The following BLOC1S6 variants were observed in gnomAD, a reference collection of about 807,000 sequenced individuals.
The protein encoded by BLOC1S6 is biogenesis of lysosomal organelles complex 1 subunit 6.
BLOC1S6 carries 24 observed loss-of-function variants against 24.7 expected under a neutral mutation model. The observed-to-expected ratio is 0.97, with a 90% CI of 0.70 to 1.37. The LOEUF (loss-of-function observed/expected upper bound fraction) is 1.37. Ranked by LOEUF, BLOC1S6 falls within the 40% of genes most tolerant of loss-of-function variation. The pLI is 0.00. For missense variants in BLOC1S6, 175 were observed against 196.2 expected (o/e 0.89, Z 0.64); for synonymous variants, 76 against 72.6 (o/e 1.05, Z -0.23).
intron 2 of BLOC1S6, among the ~76,000 whole-genome samples, chr15:45,602,074 T>C (rs1894290780): frequency 6.6e-6 from 1 of 152,006 alleles, no homozygotes; most frequent in African/African-American, 2.4e-5. Flanking sequence ...GTGTTTTTTT[T>C]GTTTTTGTAG....
intron 1 of BLOC1S6, among the ~76,000 whole-genome samples, chr15:45,590,842 T>C (rs1052107345): frequency 6.6e-6 from 1 of 152,240 alleles, no homozygotes; most frequent in African/African-American, 2.4e-5. Context: ...CAGACTATAA[T>C]TGAAGAGAGA....
chr15:45,593,310 CAGG>C (rs1350748517), intron 2 of BLOC1S6, among the ~76,000 whole-genome samples: 1 of 146,906 alleles, frequency 6.8e-6, no homozygotes, highest in Non-Finnish European at 1.5e-5. Flanking sequence ...CGCTCGAACT[CAGG>C]GGGCTGTTTG....
intron 1 of BLOC1S6, among the ~76,000 whole-genome samples, chr15:45,590,416 T>G (rs1396725881): frequency 6.6e-6 from 1 of 151,202 alleles, no homozygotes; most frequent in African/African-American, 2.4e-5. Context: ...ATCTTTTTTT[T>G]TTTTTTTTTG....
In BLOC1S6 at chr15:45,590,408, C is replaced by CTT. The variant is rs34886686; in HGVS notation, c.83-1711_83-1710dup. Among the ~76,000 whole-genome samples, 65 of 136,146 alleles carry CTT rather than the reference C, an allele frequency of 4.8e-4. 1 individual carries two copies. The highest frequency in any genetic ancestry group is 7.0e-4 in the South Asian group (3 of 4,286). 89.3% of individuals were successfully genotyped at this position (136,146 alleles called of 152,430 possible). A position where few individuals can be genotyped will look rare whatever the true frequency, so the allele number is the denominator to read the frequency against. On this transcript the variant is annotated intron_variant, in intron 1 of 4. Coordinates refer to ENST00000220531, the MANE Select transcript of BLOC1S6 (RefSeq NM_012388.4). Reference sequence around the variant, plus strand: ...ATGATAGCATGTTGTTTTCCTCAATCTTTTTTTTTTTTTTTTTGAGGCAGA... The same window carrying CTT: ...ATGATAGCATGTTGTTTTCCTCAATCTTTTTTTTTTTTTTTTTTTGAGGCAGA...
intron 1 of BLOC1S6, among the ~76,000 whole-genome samples, chr15:45,589,374 T>A (rs1893801871): frequency 6.6e-6 from 1 of 152,260 alleles, no homozygotes; most frequent in Non-Finnish European, 1.5e-5. Context: ...GAAGTATTTT[T>A]ACTTTTCAGT....
rs1054518243 is a variant in BLOC1S6 at position 45,605,771 on chromosome 15, G to T, written c.399+257G>T. On this transcript the variant is annotated intron_variant, in intron 4 of 4. Coordinates refer to ENST00000220531, the MANE Select transcript of BLOC1S6 (RefSeq NM_012388.4). ...CACCCACCTAATTTTTGTATTTTTA[G>T]TAGAGACAGCGTTCTACCATGTTGG... The T allele has an allele frequency of 1.3e-5, 5 of 391,246 alleles. No homozygotes were observed. The Admixed American group carries it at 2.0e-4, about 15-fold the overall frequency. The allele number at this position is 391,246 out of a possible 1,614,324, so 24.2% of individuals were successfully genotyped here. A position where few individuals can be genotyped will look rare whatever the true frequency, so the allele number is the denominator to read the frequency against.
chr15:45,591,706 A>AT (rs1248418751), intron 1 of BLOC1S6, among the ~76,000 whole-genome samples: 1 of 152,254 alleles, frequency 6.6e-6, no homozygotes, highest in Non-Finnish European at 1.5e-5. Flanking sequence ...AGTGAAAACT[A>AT]TAAGTCCTCT....
At chr15:45,593,300 C>A (rs549960253) in intron 2 of BLOC1S6, among the ~76,000 whole-genome samples, 1 of 149,734 alleles carries the variant, frequency 6.7e-6, no homozygotes, top group South Asian at 2.1e-4. Flanking sequence ...GCAGGAGAAT[C>A]GCTCGAACTC....
At chr15:45,587,997 G>T in intron 1 of BLOC1S6, 1 of 550,774 alleles carries the variant, frequency 1.8e-6, no homozygotes, top group Non-Finnish European at 3.2e-6. Context: ...AAGCTCTAAT[G>T]CCCTAAGGCA....
At chr15:45,604,626 C>T (rs1420133815) in intron 3 of BLOC1S6, among the ~76,000 whole-genome samples, 2 of 152,012 alleles carry the variant, frequency 1.3e-5, no homozygotes, top group African/African-American at 4.8e-5. Flanking sequence ...ACTGGAAGGC[C>T]CAGGATATGT....
At chr15:45,606,362 T>C (rs1894459528) in intron 4 of BLOC1S6, 33 bp from the exon 5 acceptor site, 2 of 1,611,658 alleles carry the variant, frequency 1.2e-6, no homozygotes, top group East Asian at 2.2e-5. Context: ...CCCTGATTGC[T>C]CTCTTGGTTT....
intron 1 of BLOC1S6, chr15:45,587,887 C>T (rs953613323): frequency 1.1e-5 from 7 of 637,600 alleles, no homozygotes; most frequent in African/African-American, 1.8e-5. Flanking sequence ...GTGACGTATC[C>T]TATAATATTG....
At chr15:45,592,814 CAT>C (rs1893933299) in intron 2 of BLOC1S6, among the ~76,000 whole-genome samples, 1 of 152,152 alleles carries the variant, frequency 6.6e-6, no homozygotes, top group Admixed American at 6.5e-5. Context: ...TATACAAAAA[CAT>C]ATACTCTGGC....
chr15:45,601,867 GTTAT>G (rs138580678), intron 2 of BLOC1S6, among the ~76,000 whole-genome samples: 9 of 151,452 alleles, frequency 5.9e-5, no homozygotes, highest in Non-Finnish European at 1.2e-4. Flanking sequence ...GAGGGACAAA[GTTAT>G]TTATTTATTT....
At chr15:45,595,644 A>G (rs1048643040) in intron 2 of BLOC1S6, among the ~76,000 whole-genome samples, 10 of 152,072 alleles carry the variant, frequency 6.6e-5, no homozygotes, top group Non-Finnish European at 1.2e-4. Context: ...TATTTAATAA[A>G]TAAGAAAAAA....
At chr15:45,589,223 T>C (rs1893796227) in intron 1 of BLOC1S6, among the ~76,000 whole-genome samples, 1 of 152,242 alleles carries the variant, frequency 6.6e-6, no homozygotes, top group African/African-American at 2.4e-5. Context: ...ACCTAAGATA[T>C]ATGTTTTAAA....
rs898659382 is a variant in BLOC1S6, at chr15:45,587,710, C to G, written c.82+185C>G. The G allele has an allele frequency of 1.4e-5, 10 of 718,836 alleles. No individual in the cohort carries two copies. The Admixed American group carries it at 1.4e-4, about 10-fold the overall frequency. 44.5% of individuals were successfully genotyped at this position (718,836 alleles called of 1,614,324 possible). A position where few individuals can be genotyped will look rare whatever the true frequency, so the allele number is the denominator to read the frequency against. ...CCTCTGCCCAGCGCAATGGGCGGAACTGAAGTCCCGAGGGGAAGCTTTGTA... is the reference window on the plus strand; with the variant it reads ...CCTCTGCCCAGCGCAATGGGCGGAAGTGAAGTCCCGAGGGGAAGCTTTGTA... On this transcript the variant is annotated intron_variant, in intron 1 of 4. Transcript: ENST00000220531.
At position 45,587,535 on chromosome 15, in the gene BLOC1S6, A is replaced by G. The variant is rs370370639; in HGVS notation, c.82+10A>G. 663 of 1,565,910 alleles carry G rather than the reference A, an allele frequency of 4.2e-4. 1 individual carries two copies. In the African/African-American group the frequency reaches 7.9e-3, roughly 19 times the overall value. On this transcript the variant is annotated intron_variant, in intron 1 of 4. Coordinates refer to ENST00000220531, the MANE Select transcript of BLOC1S6 (RefSeq NM_012388.4). ...GGGGAGCCGACGCCTGGTACGTACT[A>G]TCGGGTGGGAAGCGCGGCCCGGGCT...
upstream of BLOC1S6, chr15:45,587,269 C>A (rs1385934428): frequency 2.9e-6 from 2 of 681,820 alleles, no homozygotes; most frequent in South Asian, 3.3e-5. Context: ...CCCCACAACG[C>A]CATGGGGCAG....
Sources: gnomAD v4.1 joint callset for allele counts (sites outside exome capture counted in the v4.1 genomes callset) on GRCh38, gnomAD v4.1.1 for gene constraint, MANE v1.5 for transcripts, NCBI Gene and HGNC (gene_info 2026-07-23, HGNC 2026-07-21) for gene names.